ADSS1: variants seen among roughly 807,000 people sequenced by gnomAD.
ADSS1 encodes adenylosuccinate synthase 1.
A neutral mutation model predicts 59.1 loss-of-function variants in ADSS1; 57 were observed. That is an observed-to-expected ratio of 0.97 (90% confidence interval 0.78 to 1.20). The LOEUF is 1.20. Ranked by LOEUF, ADSS1 falls within the 50% of genes most tolerant of loss-of-function variation. ADSS1 has a pLI of 0.00. For missense variants in ADSS1, 603 were observed against 610.3 expected, an observed-to-expected ratio of 0.99 and a Z score of 0.13; for synonymous variants, 247 against 249.4, an observed-to-expected ratio of 0.99 and a Z score of 0.09.
In ADSS1 at chr14:104,728,289, T is replaced by A. The variant is rs1890779406; in HGVS notation, c.192+3827T>A. ...TGCTTCCAGAAAGAGGTCTTCCCCC[T>A]ACCCCACCTCTGCACTGTTGATGGT... On this transcript the variant is annotated intron_variant, in intron 1 of 12. Transcript: ENST00000330877. 2.0e-5 allele frequency among the ~76,000 whole-genome samples: 3 copies of A among 152,094 alleles called. No individual in the cohort carries two copies. In the South Asian group the frequency reaches 6.2e-4, roughly 32 times the overall value.
Position 104,726,000 on chromosome 14 carries a change from C to T in ADSS1, c.192+1538C>T, listed in dbSNP as rs543820263. Among the ~76,000 whole-genome samples the T allele has an allele frequency of 5.3e-5, 8 of 152,332 alleles. No individual in the cohort carries two copies. In the East Asian group the frequency reaches 1.4e-3, roughly 26 times the overall value. The stretch of plus-strand genomic sequence containing the variant: ...CTGTGCCCCCCACCCAGTCCCCCCA[C>T]AGCCCCGCTCACTCGCAGCTGCACA... On this transcript the variant is annotated intron_variant, in intron 1 of 12. Coordinates refer to ENST00000330877, the MANE Select transcript of ADSS1 (RefSeq NM_152328.5).
At chr14:104,732,287 G>C (rs529929495) in intron 1 of ADSS1, among the ~76,000 whole-genome samples, 2 of 152,330 alleles carry the variant, frequency 1.3e-5, no homozygotes, top group East Asian at 3.9e-4. Flanking sequence ...GGATGCCTTT[G>C]CTGTGGGAAT....
chr14:104,740,025 T>C lies in ADSS1; in HGVS notation c.476+209T>C, dbSNP rs929404329. Among the ~76,000 whole-genome samples, 66 of 152,232 alleles carry C rather than the reference T, an allele frequency of 4.3e-4. 1 individual carries two copies. The highest frequency in any genetic ancestry group is 3.4e-3 in the Middle Eastern group (1 of 294). ...TCTCTCTGGGGTTGCACACTGTCCT[T>C]GCCGGCTGCCACTGCCACGCGGCTC... On this transcript the variant is annotated intron_variant, in intron 5 of 12. Coordinates refer to ENST00000330877, the MANE Select transcript of ADSS1 (RefSeq NM_152328.5). The surrounding 1 kb of genome is among the most constrained non-coding windows in gnomAD (Gnocchi z 4.8).
chr14:104,734,943 GC>G, intron 1 of ADSS1, 76 bp from the exon 2 acceptor site: 1 of 1,275,042 alleles, frequency 7.8e-7, no homozygotes, highest in Non-Finnish European at 1.1e-6. Context: ...GACAGACGAA[GC>G]CCCATGTGGG....
intron 1 of ADSS1, among the ~76,000 whole-genome samples, chr14:104,729,211 G>A (rs1398511903): frequency 6.6e-6 from 1 of 152,178 alleles, no homozygotes; most frequent in Non-Finnish European, 1.5e-5. Flanking sequence ...AAGGGCAGTG[G>A]CAAGTGGGCC....
chr14:104,741,252 G>GGGAGGGTGT lies in ADSS1; in HGVS notation c.793+11_793+19dup. The GGGAGGGTGT allele has an allele frequency of 6.4e-7, 1 of 1,557,946 alleles. No individual in the cohort carries two copies. The highest frequency in any genetic ancestry group is 2.3e-5 in the East Asian group (1 of 44,070). ...CCTCGACATTGACTTCGGTATGTCC[G>GGGAGGGTGT]GGAGGGTGTGCGTGCCAACGACCTT... On this transcript the variant is annotated intron_variant, in intron 8 of 12. Coordinates refer to ENST00000330877, the MANE Select transcript of ADSS1 (RefSeq NM_152328.5).
intron 1 of ADSS1, among the ~76,000 whole-genome samples, chr14:104,729,050 G>A (rs1890804009): frequency 6.6e-6 from 1 of 152,192 alleles, no homozygotes; most frequent in South Asian, 2.1e-4. Flanking sequence ...GAGGTAGCGA[G>A]CCTCGTCCAG....
chr14:104,734,980 G>A, intron 1 of ADSS1, 40 bp from the exon 2 acceptor site: 1 of 1,586,166 alleles, frequency 6.3e-7, no homozygotes, highest in Non-Finnish European at 8.6e-7. Context: ...GGGGTCCTCA[G>A]TACCCAAGTG....
At chr14:104,730,346 TG>T in intron 1 of ADSS1, 1 of 1,036,578 alleles carries the variant, frequency 9.6e-7, no homozygotes, top group Non-Finnish European at 1.3e-6. Flanking sequence ...AAAAATTATC[TG>T]GGCATGCTGG....
In ADSS1 at chr14:104,740,133, G is replaced by A. The variant is rs1017829808; in HGVS notation, c.476+317G>A. Among the ~76,000 whole-genome samples, 2 of 152,078 alleles carry A rather than the reference G, an allele frequency of 1.3e-5. No homozygotes were observed. The highest frequency in any genetic ancestry group is 2.9e-5 in the Non-Finnish European group (2 of 68,012). ...CCACACGGCCCCAGGGAAGACACGAGGAACACTAAAGCAGTTTAGTAGAAC... is the reference window on the plus strand; with the variant it reads ...CCACACGGCCCCAGGGAAGACACGAAGAACACTAAAGCAGTTTAGTAGAAC... On this transcript the variant is annotated intron_variant, in intron 5 of 12. Coordinates refer to ENST00000330877, the MANE Select transcript of ADSS1 (RefSeq NM_152328.5). This position sits in a 1 kb window ranked among gnomAD's most constrained non-coding sequence, Gnocchi z 4.8.
intron 1 of ADSS1, among the ~76,000 whole-genome samples, chr14:104,727,258 C>A (rs1002413406): frequency 6.6e-6 from 1 of 152,172 alleles, no homozygotes; most frequent in Admixed American, 6.5e-5. Context: ...CCTTTAGGAC[C>A]TGTTTCCTGG....
At chr14:104,738,034 C>A (rs1038369880) in intron 2 of ADSS1, 1 of 240,872 alleles carries the variant, frequency 4.2e-6, no homozygotes. Context: ...CGGAGTCTCG[C>A]TCTGTCACCC....
intron 2 of ADSS1, 27 bp from the exon 3 acceptor site, chr14:104,738,336 GGACACAACTCTGT>G (rs1340769821): frequency 6.2e-7 from 1 of 1,607,832 alleles, no homozygotes; most frequent in Non-Finnish European, 8.5e-7. Flanking sequence ...CCAGTGTCTG[GGACACAACTCTGT>G]CTCTCATGCC....
chr14:104,730,907 G>A (rs1890902061), intron 1 of ADSS1, among the ~76,000 whole-genome samples: 1 of 147,926 alleles, frequency 6.8e-6, no homozygotes, highest in Admixed American at 6.8e-5. Flanking sequence ...GAGGCAGCTG[G>A]CACGGATGTC....
intron 1 of ADSS1, among the ~76,000 whole-genome samples, chr14:104,725,173 G>C (rs533655664): frequency 2.0e-5 from 3 of 152,194 alleles, no homozygotes; most frequent in Non-Finnish European, 4.4e-5. Context: ...CCAGGGCCCA[G>C]GGCTGGGCCT....
intron 2 of ADSS1, 41 bp downstream of exon 2, chr14:104,735,163 G>A (rs1418783675): frequency 6.5e-7 from 1 of 1,545,486 alleles, no homozygotes; most frequent in Non-Finnish European, 8.8e-7. Context: ...CAGGAAAGGG[G>A]GTGTCAGCCA....
At chr14:104,729,480 G>A (rs1482376022) in intron 1 of ADSS1, among the ~76,000 whole-genome samples, 4 of 151,682 alleles carry the variant, frequency 2.6e-5, no homozygotes, top group African/African-American at 9.7e-5. Flanking sequence ...GCATGGCGTC[G>A]GCGTGGGAGG....
rs1891303366 is a variant in ADSS1 at position 104,740,472 on chromosome 14, G to C, written c.477-129G>C. The C allele has an allele frequency of 2.5e-6, 2 of 792,002 alleles. No individual in the cohort carries two copies. The highest frequency in any genetic ancestry group is 3.2e-5 in the South Asian group (2 of 63,224). The allele number at this position is 792,002 out of a possible 1,614,324, so 49.1% of individuals were successfully genotyped here. ...ACACCCACACACGCACACACTCACA[G>C]CTCAGCCAGACACAGGCAGCAATGG... On this transcript the variant is annotated intron_variant, in intron 5 of 12. Transcript: ENST00000330877. The surrounding 1 kb of genome is among the most constrained non-coding windows in gnomAD (Gnocchi z 4.8).
intron 1 of ADSS1, among the ~76,000 whole-genome samples, chr14:104,729,430 G>A (rs1389730177): frequency 1.3e-5 from 2 of 152,120 alleles, no homozygotes; most frequent in African/African-American, 4.8e-5. Context: ...GAGGAGCAAG[G>A]ACAAAGCCTG....
Sources: gnomAD v4.1 joint callset for allele counts (sites outside exome capture counted in the v4.1 genomes callset) on GRCh38, gnomAD v4.1.1 for gene constraint, Gnocchi (gnomAD v3.1) non-coding constraint, MANE v1.5 for transcripts, NCBI Gene and HGNC (gene_info 2026-07-23, HGNC 2026-07-21) for gene names.